DPY19L1: variants seen among roughly 807,000 people sequenced by gnomAD.
DPY19L1 encodes dpy-19 like C-mannosyltransferase 1.
DPY19L1 carries 35 observed loss-of-function variants against 96.9 expected under a neutral mutation model. The observed-to-expected ratio is 0.36, with a 90% CI of 0.28 to 0.48. The LOEUF (loss-of-function observed/expected upper bound fraction) is 0.48, where lower values mean the gene tolerates loss of function less well. Among genes scored for constraint, DPY19L1 ranks in the 20% least tolerant of loss-of-function variants. DPY19L1 has a pLI of 0.99. For missense variants in DPY19L1, 521 were observed against 777.9 expected (o/e 0.67, Z 3.93); for synonymous variants, 205 against 252.6 (o/e 0.81, Z 1.79).
chr7:34,976,801 T>C (rs1784840343), intron 7 of DPY19L1, among the ~76,000 whole-genome samples: 1 of 152,192 alleles, frequency 6.6e-6, no homozygotes, highest in Non-Finnish European at 1.5e-5. Context: ...TTTGTGCATT[T>C]TGAGATGGAG....
At chr7:34,934,049 C>T (rs924516739) in intron 21 of DPY19L1, among the ~76,000 whole-genome samples, 2 of 150,654 alleles carry the variant, frequency 1.3e-5, no homozygotes, top group Non-Finnish European at 3.0e-5. Flanking sequence ...CTGCAAGCTC[C>T]ACCTCCCAGG....
intron 7 of DPY19L1, among the ~76,000 whole-genome samples, chr7:34,983,687 T>C (rs1035065718): frequency 7.2e-6 from 1 of 139,564 alleles, no homozygotes; most frequent in African/African-American, 2.6e-5. Context: ...AAAAAAAAAA[T>C]GGGAGAAAAA....
At chr7:34,967,946 AAC>A (rs1784645965) in intron 9 of DPY19L1, among the ~76,000 whole-genome samples, 1 of 152,120 alleles carries the variant, frequency 6.6e-6, no homozygotes, top group Admixed American at 6.6e-5. Flanking sequence ...GTTATTATTC[AAC>A]ATAAGCCCCA....
chr7:34,954,066 GTGC>G (rs1239758863), intron 13 of DPY19L1, among the ~76,000 whole-genome samples: 3 of 152,268 alleles, frequency 2.0e-5, no homozygotes, highest in East Asian at 3.9e-4. Context: ...GTTGGTTCTT[GTGC>G]TGCTTTTTTA....
Position 34,931,743 on chromosome 7 carries a change from T to C in DPY19L1, c.2091-14A>G, listed in dbSNP as rs1184824426. 1 of 1,572,532 alleles carries C rather than the reference T, an allele frequency of 6.4e-7. No individual in the cohort carries two copies. Among genetic ancestry groups the C allele is most frequent in the Non-Finnish European group, 8.6e-7 (1 of 1,163,158 alleles). ...CTGCAACCAGGCCTAGAAAAATGAA[T>C]GTACATGTTAAAAATCAATATGCAT... is the stretch of plus-strand genomic sequence containing the variant. On this transcript the variant is annotated splice_polypyrimidine_tract_variant and intron_variant, in intron 21 of 21. Coordinates refer to ENST00000638088, the MANE Select transcript of DPY19L1 (RefSeq NM_001366673.1).
intron 6 of DPY19L1, among the ~76,000 whole-genome samples, chr7:35,000,117 C>T (rs1785387217): frequency 6.6e-6 from 1 of 152,102 alleles, no homozygotes; most frequent in African/African-American, 2.4e-5. Context: ...CATTGTAGAG[C>T]ACATTAATAG....
chr7:34,941,094 C>T (rs1366337177), intron 18 of DPY19L1, among the ~76,000 whole-genome samples: 1 of 152,162 alleles, frequency 6.6e-6, no homozygotes, highest in Non-Finnish European at 1.5e-5. Flanking sequence ...GGCTTATAAA[C>T]ACTGGCTTTT....
chr7:34,982,863 C>G (rs183278269), intron 7 of DPY19L1, among the ~76,000 whole-genome samples: 3 of 152,144 alleles, frequency 2.0e-5, no homozygotes, highest in Non-Finnish European at 4.4e-5. Flanking sequence ...CAATCTCACA[C>G]AGCATTTGGT....
chr7:34,958,195 C>T, intron 10 of DPY19L1, 125 bp from the exon 11 acceptor site: 1 of 564,172 alleles, frequency 1.8e-6, no homozygotes, highest in Non-Finnish European at 3.0e-6. Context: ...GACTATAAAA[C>T]AGCCCATTCT....
chr7:34,992,436 T>C (rs548067162), intron 6 of DPY19L1, among the ~76,000 whole-genome samples: 2 of 152,306 alleles, frequency 1.3e-5, no homozygotes, highest in East Asian at 1.9e-4. Flanking sequence ...GAGTCACATA[T>C]GGTTACAACT....
chr7:35,014,590 T>G (rs1179910619), intron 3 of DPY19L1, among the ~76,000 whole-genome samples: 6 of 152,168 alleles, frequency 3.9e-5, no homozygotes, highest in Admixed American at 2.0e-4. Context: ...AAAAGAGATA[T>G]GCCTATCCAG....
chr7:35,024,005 T>A (rs1021798938), intron 1 of DPY19L1, among the ~76,000 whole-genome samples: 1 of 151,832 alleles, frequency 6.6e-6, no homozygotes, highest in South Asian at 2.1e-4. Context: ...CCGGCTAATT[T>A]TTTGTATTTT....
intron 3 of DPY19L1, among the ~76,000 whole-genome samples, chr7:35,014,440 T>C (rs969854643): frequency 6.6e-6 from 1 of 151,674 alleles, no homozygotes; most frequent in African/African-American, 2.4e-5. Flanking sequence ...ACGGAGAGTC[T>C]AAGTGGCAGT....
rs562648494 is a variant in DPY19L1 at position 34,985,439 on chromosome 7, C to T, written c.822+4445G>A. Among the ~76,000 whole-genome samples, 11 of 152,122 alleles carry T rather than the reference C, an allele frequency of 7.2e-5. 1 individual carries two copies. In the South Asian group the frequency reaches 8.3e-4, roughly 11 times the overall value. ...TGCAAACCACACCTCTGATAAGGGG[C>T]CAATATTCAAAATATATAAGGTACT... On this transcript the variant is annotated intron_variant, in intron 7 of 21. Transcript: ENST00000638088.
In DPY19L1 at chr7:34,963,573, C is replaced by G. The variant is rs189854738; in HGVS notation, c.1092+3321G>C. On this transcript the variant is annotated intron_variant, in intron 10 of 21. Transcript: ENST00000638088. ...TCCTATAGCTGAAACACAGAAGTAA[C>G]CCAAGTATCCGTGAATGAACTGGAT... is the stretch of plus-strand genomic sequence containing the variant. Among the ~76,000 whole-genome samples the G allele has an allele frequency of 1.1e-3, 173 of 152,284 alleles. 2 individuals are homozygous for G. Among genetic ancestry groups the G allele is most frequent in the Non-Finnish European group, 2.4e-4 (16 of 68,024 alleles).
At chr7:35,037,626 C>A (rs922685010), upstream of DPY19L1, 3 of 221,144 alleles carry the variant, frequency 1.4e-5, no homozygotes, top group Non-Finnish European at 2.5e-5. Flanking sequence ...AGCCCGCCGC[C>A]GTTGCCGCCG....
intron 21 of DPY19L1, among the ~76,000 whole-genome samples, chr7:34,933,140 A>T (rs1186719): frequency 0.28 from 41,822 of 147,334 alleles, 5,954 homozygotes; most frequent in Non-Finnish European, 0.33. Context: ...GGACCTTTTT[A>T]AAAAAAAAAA....
intron 1 of DPY19L1, among the ~76,000 whole-genome samples, chr7:35,020,146 T>A (rs1245305866): frequency 6.6e-6 from 1 of 152,134 alleles, no homozygotes. Context: ...AGAAAAAAAA[T>A]AATAATAATC....
At chr7:34,991,861 T>A (rs1475291114) in intron 6 of DPY19L1, among the ~76,000 whole-genome samples, 2 of 152,262 alleles carry the variant, frequency 1.3e-5, no homozygotes, top group African/African-American at 4.8e-5. Flanking sequence ...AATCAATGTA[T>A]GTAAACTTAA....
Sources: gnomAD v4.1 joint callset for allele counts (sites outside exome capture counted in the v4.1 genomes callset) on GRCh38, gnomAD v4.1.1 for gene constraint, MANE v1.5 for transcripts, NCBI Gene and HGNC (gene_info 2026-07-23, HGNC 2026-07-21) for gene names.